SPTBN1: variants seen among roughly 807,000 people sequenced by gnomAD.
SPTBN1 encodes spectrin beta, non-erythrocytic 1.
In SPTBN1, 32 loss-of-function variants were observed where a neutral mutation model predicts 266.4. The observed-to-expected ratio is 0.12, with a 90% confidence interval of 0.09 to 0.16. The LOEUF (loss-of-function observed/expected upper bound fraction) is 0.16. SPTBN1 is among the 10% of genes least tolerant of loss of function. The pLI is 1.00. For missense variants in SPTBN1, 2,296 were observed against 3,067.1 expected (o/e 0.75, Z 5.94); for synonymous variants, 1,336 against 1,162.2 (o/e 1.15, Z -3.04).
chr2:54,629,843 G>A, intron 14 of SPTBN1, 40 bp downstream of exon 14: 1 of 1,612,696 alleles, frequency 6.2e-7, no homozygotes, highest in Non-Finnish European at 8.5e-7. Context: ...TGTTCCTTGT[G>A]ACCACCAGTG....
chr2:54,482,131 A>G (rs1470366169), intron 1 of SPTBN1, among the ~76,000 whole-genome samples: 1 of 152,082 alleles, frequency 6.6e-6, no homozygotes, highest in Non-Finnish European at 1.5e-5. Flanking sequence ...TCGGATAGGG[A>G]TTGACTATTA....
rs769878216 is a variant in SPTBN1 at position 54,646,470 on chromosome 2, G to A, written c.4861G>A (p.Ala1621Thr). Residue 1621 changes from alanine to threonine, a missense_variant, in exon 23 of 36, where the codon GCC (alanine) becomes ACC (threonine). Around this residue, in one of 12 missense-constraint regions of SPTBN1, gnomAD observed 644 missense variants for 745.3 expected, o/e 0.86. Coordinates refer to ENST00000356805, the MANE Select transcript of SPTBN1 (RefSeq NM_003128.3). The surrounding 1 kb of genome is among the most constrained non-coding windows in gnomAD (Gnocchi z 4.4). ...GCTGTACATGATGTCAGAGGAGAAG[G>A]CCAAGGTGAGAGGAGGCGGGAAGCA... is the stretch of plus-strand genomic sequence containing the variant. ...QELYMMSEEK[A>T]KDEQSAVSML... is the part of the protein sequence containing the mutation. 1.5e-5 allele frequency: 23 copies of A among 1,518,638 alleles called. No homozygotes were observed. The highest frequency in any genetic ancestry group is 2.0e-5 in the Non-Finnish European group (23 of 1,133,950). 94.1% of individuals were successfully genotyped at this position (1,518,638 alleles called of 1,614,324 possible). A position where few individuals can be genotyped will look rare whatever the true frequency, so the allele number is the denominator to read the frequency against.
At chr2:54,521,816 G>C (rs777029904) in intron 1 of SPTBN1, among the ~76,000 whole-genome samples, 2 of 151,876 alleles carry the variant, frequency 1.3e-5, no homozygotes, top group Non-Finnish European at 2.9e-5. Flanking sequence ...GAGCCACTGT[G>C]CTTGGCATAT....
At chr2:54,568,808 C>CCT (rs1273756912) in intron 2 of SPTBN1, among the ~76,000 whole-genome samples, 1 of 152,194 alleles carries the variant, frequency 6.6e-6, no homozygotes, top group Non-Finnish European at 1.5e-5. Flanking sequence ...TGAGTCCATA[C>CCT]CTGTTTTATG....
chr2:54,638,119 A>C (rs1325029946), intron 18 of SPTBN1, among the ~76,000 whole-genome samples: 1 of 152,224 alleles, frequency 6.6e-6, no homozygotes, highest in Non-Finnish European at 1.5e-5. Context: ...ACATAAAACT[A>C]AGAGCGTGGT....
intron 9 of SPTBN1, 89 bp from the exon 10 acceptor site, chr2:54,623,390 C>A: frequency 8.7e-7 from 1 of 1,147,646 alleles, no homozygotes; most frequent in South Asian, 1.3e-5. Context: ...TCATGTAAGT[C>A]AGACCAGAGT....
At chr2:54,623,650 C>A in intron 10 of SPTBN1, 54 bp downstream of exon 10, 2 of 1,418,768 alleles carry the variant, frequency 1.4e-6, no homozygotes, top group South Asian at 1.2e-5. Context: ...GCTTCAGGTT[C>A]TATCACTAGG....
At chr2:54,459,392 CAG>C (rs1246176974) in intron 1 of SPTBN1, among the ~76,000 whole-genome samples, 1 of 152,148 alleles carries the variant, frequency 6.6e-6, no homozygotes, top group African/African-American at 2.4e-5. Context: ...TTGGCATTGG[CAG>C]AGTTTCCTGG....
At chr2:54,623,271 C>T (rs1678110275) in intron 9 of SPTBN1, among the ~76,000 whole-genome samples, 1 of 152,218 alleles carries the variant, frequency 6.6e-6, no homozygotes, top group Non-Finnish European at 1.5e-5. Context: ...ATGCCTTTGA[C>T]ACCCTCAAAT....
chr2:54,575,215 G>A (rs1365866882), intron 2 of SPTBN1, among the ~76,000 whole-genome samples: 1 of 152,148 alleles, frequency 6.6e-6, no homozygotes, highest in African/African-American at 2.4e-5. Flanking sequence ...TGGAGATTCA[G>A]CCACATTCAC....
Position 54,629,919 on chromosome 2 carries a change from C to A in SPTBN1, c.2697C>A (p.Asn899Lys), listed in dbSNP as rs1395115940. 7.4e-6 allele frequency: 12 copies of A among 1,613,952 alleles called. No individual in the cohort carries two copies. The highest frequency in any genetic ancestry group is 1.0e-5 in the Non-Finnish European group (12 of 1,180,046). ...TTGAGAGCCTAGAACCAGAAATGAA[C>A]AACCAGGCTTCCCGGGTTGCAGTGG... ...HRFESLEPEM[N>K]NQASRVAVVN... is the part of the protein sequence containing the mutation. Residue 899 changes from asparagine to lysine, a missense_variant, in exon 15 of 36, where the codon AAC becomes AAA. Physicochemically the swap from Asn to Lys is moderately conservative, Grantham distance 94. Transcript: ENST00000356805.
intron 2 of SPTBN1, among the ~76,000 whole-genome samples, chr2:54,596,216 C>T (rs1466813626): frequency 6.6e-6 from 1 of 152,142 alleles, no homozygotes; most frequent in Non-Finnish European, 1.5e-5. Flanking sequence ...CTGTCTGGCC[C>T]ATATCCCCAA....
intron 1 of SPTBN1, among the ~76,000 whole-genome samples, chr2:54,507,171 G>A (rs776452026): frequency 2.0e-5 from 3 of 152,034 alleles, no homozygotes; most frequent in Admixed American, 6.6e-5. Flanking sequence ...TCACAATGGT[G>A]GAATGTTATC....
chr2:54,656,995 T>C (rs1008970472), intron 29 of SPTBN1, among the ~76,000 whole-genome samples: 1 of 152,236 alleles, frequency 6.6e-6, no homozygotes, highest in Non-Finnish European at 1.5e-5. Context: ...ACCGAGGTGC[T>C]GAAAGCAGAT....
intron 32 of SPTBN1, chr2:54,660,828 CCTGTCAGTGCTG>C (rs1680986638): frequency 1.0e-6 from 1 of 985,324 alleles, no homozygotes; most frequent in Non-Finnish European, 1.2e-6. Flanking sequence ...TGTCTCGCTC[CCTGTCAGTGCTG>C]CTGGCACGTG....
At chr2:54,488,996 A>G (rs1668549893) in intron 1 of SPTBN1, among the ~76,000 whole-genome samples, 1 of 152,114 alleles carries the variant, frequency 6.6e-6, no homozygotes, top group South Asian at 2.1e-4. Flanking sequence ...TTTGACATTA[A>G]GAAATGAATG....
chr2:54,635,413 G>A (rs1679052001), intron 17 of SPTBN1, among the ~76,000 whole-genome samples: 1 of 152,220 alleles, frequency 6.6e-6, no homozygotes, highest in Non-Finnish European at 1.5e-5. Context: ...TCACACCTGC[G>A]CATAGATCGG....
chr2:54,642,315 G>A (rs1679626935), intron 18 of SPTBN1, among the ~76,000 whole-genome samples: 1 of 152,140 alleles, frequency 6.6e-6, no homozygotes, highest in African/African-American at 2.4e-5. Flanking sequence ...GACATGTTGG[G>A]TCTCAAAATC....
intron 1 of SPTBN1, among the ~76,000 whole-genome samples, chr2:54,484,246 C>G (rs915398829): frequency 6.6e-6 from 1 of 152,174 alleles, no homozygotes; most frequent in Non-Finnish European, 1.5e-5. Context: ...TATTAACTGC[C>G]TTTCTCTGAG....
Sources: gnomAD v4.1 joint callset for allele counts (sites outside exome capture counted in the v4.1 genomes callset) on GRCh38, gnomAD v4.1.1 for gene constraint, gnomAD v4.1.1 regional missense constraint, Gnocchi (gnomAD v3.1) non-coding constraint, MANE v1.5 for transcripts, NCBI Gene and HGNC (gene_info 2026-07-23, HGNC 2026-07-21) for gene names.